Variants in RALA observed in about 807,000 individuals in gnomAD.
The protein encoded by RALA is ras-related protein Ral-A.
A neutral mutation model predicts 24.0 loss-of-function variants in RALA; 5 were observed. The ratio of observed to expected loss-of-function variants is 0.21; its 90% CI spans 0.11 to 0.44. The LOEUF (loss-of-function observed/expected upper bound fraction) is 0.44. RALA is among the 20% of genes least tolerant of loss of function. The pLI is 0.99. For synonymous variants in RALA, 77 were observed against 83.8 expected, an observed-to-expected ratio of 0.92 and a Z score of 0.44; for missense variants, 95 against 241.2, an observed-to-expected ratio of 0.39 and a Z score of 4.01.
At chr7:39,674,042 T>TAAAAAAAAAAAA (rs367907893) in intron 1 of RALA, among the ~76,000 whole-genome samples, 5 of 90,700 alleles carry the variant, frequency 5.5e-5, no homozygotes, top group African/African-American at 2.6e-4. Flanking sequence ...GCATGCACTG[T>TAAAAAAAAAAAA]AAATAAATAA....
chr7:39,644,090 A>G (rs1273490066), intron 1 of RALA, among the ~76,000 whole-genome samples: 2 of 152,332 alleles, frequency 1.3e-5, no homozygotes, highest in Admixed American at 6.5e-5. Flanking sequence ...TGGACTCAAA[A>G]TCTTTACTGA....
chr7:39,688,138 T>C (rs1010741259), intron 2 of RALA, among the ~76,000 whole-genome samples: 5 of 152,102 alleles, frequency 3.3e-5, no homozygotes, highest in Non-Finnish European at 4.4e-5. Context: ...CCATGCTTGT[T>C]AGTGAGCGAA....
intron 1 of RALA, among the ~76,000 whole-genome samples, chr7:39,660,449 A>T (rs1466745184): frequency 6.6e-6 from 1 of 152,146 alleles, no homozygotes; most frequent in Non-Finnish European, 1.5e-5. Context: ...AAGAATTCTT[A>T]TCAAGAAGGA....
At chr7:39,631,968 C>T (rs553998357) in intron 1 of RALA, among the ~76,000 whole-genome samples, 1 of 151,988 alleles carries the variant, frequency 6.6e-6, no homozygotes, top group Non-Finnish European at 1.5e-5. Flanking sequence ...TGGAAGAAGG[C>T]GAAGGGTGAG....
At chr7:39,636,811 C>T (rs1791691284) in intron 1 of RALA, among the ~76,000 whole-genome samples, 1 of 152,152 alleles carries the variant, frequency 6.6e-6, no homozygotes, top group Admixed American at 6.5e-5. Flanking sequence ...AAAGGGGAAG[C>T]AAGCACATTC....
At chr7:39,657,128 A>G (rs953621439) in intron 1 of RALA, among the ~76,000 whole-genome samples, 3 of 151,864 alleles carry the variant, frequency 2.0e-5, no homozygotes, top group African/African-American at 4.8e-5. Context: ...CATCATGCTC[A>G]GGTAGTTTTT....
intron 2 of RALA, among the ~76,000 whole-genome samples, chr7:39,687,684 A>T (rs1792733151): frequency 6.6e-6 from 1 of 152,160 alleles, no homozygotes; most frequent in Non-Finnish European, 1.5e-5. Context: ...AATCCAATGT[A>T]AGCATTTATC....
chr7:39,684,712 TAAAA>T (rs34582850), intron 1 of RALA, among the ~76,000 whole-genome samples: 1 of 110,410 alleles, frequency 9.1e-6, no homozygotes, highest in Admixed American at 1.0e-4. Flanking sequence ...GCTGATGAGC[TAAAA>T]AAAAAAAAAA....
chr7:39,687,960 G>A (rs1168466466), intron 2 of RALA, among the ~76,000 whole-genome samples: 2 of 151,586 alleles, frequency 1.3e-5, no homozygotes, highest in African/African-American at 4.9e-5. Context: ...TTTTTAAATA[G>A]AGACCAGGTT....
chr7:39,690,990 C>T (rs1792805856), intron 3 of RALA, among the ~76,000 whole-genome samples: 1 of 152,190 alleles, frequency 6.6e-6, no homozygotes, highest in South Asian at 2.1e-4. Context: ...ATGTAATGCT[C>T]AGTAGGCACG....
Position 39,623,851 on chromosome 7 carries a change from C to T in RALA, c.-38+26C>T, listed in dbSNP as rs1374278064. ...GTGAGCGATGCCCGCTCGGGCCGCCCGGGGAGGGACTGGGGCCACCCGGGC... is the reference window on the plus strand; with the variant it reads ...GTGAGCGATGCCCGCTCGGGCCGCCTGGGGAGGGACTGGGGCCACCCGGGC... On this transcript the variant is annotated intron_variant, in intron 1 of 4. Transcript: ENST00000005257. This position sits in a 1 kb window ranked among gnomAD's most constrained non-coding sequence, Gnocchi z 4.9. 2 of 151,804 alleles carry T rather than the reference C, an allele frequency of 1.3e-5. No individual in the cohort carries two copies. Among genetic ancestry groups the T allele is most frequent in the African/African-American group, 4.8e-5 (2 of 41,360 alleles). The allele number at this position is 151,804 out of a possible 1,614,324, so 9.4% of individuals were successfully genotyped here.
intron 1 of RALA, among the ~76,000 whole-genome samples, chr7:39,684,244 A>G (rs1356274831): frequency 1.3e-5 from 2 of 152,192 alleles, no homozygotes; most frequent in African/African-American, 4.8e-5. Flanking sequence ...TTTTTGCCAT[A>G]CGCTTAACAG....
chr7:39,687,381 C>T (rs534902117), intron 2 of RALA, among the ~76,000 whole-genome samples: 52 of 151,334 alleles, frequency 3.4e-4, no homozygotes, highest in Non-Finnish European at 6.6e-4. Context: ...GAGCCGAGAT[C>T]GCGCCACTGC....
chr7:39,662,804 C>G (rs771359964), intron 1 of RALA, among the ~76,000 whole-genome samples: 2 of 152,180 alleles, frequency 1.3e-5, no homozygotes, highest in Admixed American at 6.5e-5. Flanking sequence ...GTCGCTTCCA[C>G]ATTTTTGGGT....
intron 1 of RALA, among the ~76,000 whole-genome samples, chr7:39,678,820 ATTTAT>A (rs1336276659): frequency 6.6e-6 from 1 of 152,102 alleles, no homozygotes; most frequent in Non-Finnish European, 1.5e-5. Flanking sequence ...GGCTTTGTTG[ATTTAT>A]TTTATGACTA....
chr7:39,624,276 C>T (rs1048460611), intron 1 of RALA: 1 of 151,300 alleles, frequency 6.6e-6, no homozygotes, highest in Non-Finnish European at 1.5e-5. Context: ...GCATCTCCGC[C>T]AGGGTTTTTT....
At chr7:39,625,876 T>G (rs183819473) in intron 1 of RALA, among the ~76,000 whole-genome samples, 19 of 152,346 alleles carry the variant, frequency 1.2e-4, no homozygotes, top group Admixed American at 1.2e-3. Context: ...GCACTGTTTT[T>G]CCAAGCTTAG....
At chr7:39,651,900 C>T (rs906730729) in intron 1 of RALA, among the ~76,000 whole-genome samples, 9 of 152,110 alleles carry the variant, frequency 5.9e-5, no homozygotes, top group Admixed American at 1.3e-4. Context: ...AATAATGTTA[C>T]AATAAATATT....
chr7:39,662,096 A>C (rs1020456654), intron 1 of RALA, among the ~76,000 whole-genome samples: 1 of 152,016 alleles, frequency 6.6e-6, no homozygotes, highest in Admixed American at 6.6e-5. Flanking sequence ...AGTGGCTGGG[A>C]GGTAGGGCAC....
Sources: gnomAD v4.1 joint callset for allele counts (sites outside exome capture counted in the v4.1 genomes callset) on GRCh38, gnomAD v4.1.1 for gene constraint, Gnocchi (gnomAD v3.1) non-coding constraint, MANE v1.5 for transcripts, NCBI Gene and HGNC (gene_info 2026-07-23, HGNC 2026-07-21) for gene names.